The following CCSER1 variants were observed in gnomAD, a reference collection of about 807,000 sequenced individuals.
CCSER1 encodes serine-rich coiled-coil domain-containing protein 1.
CCSER1 carries 41 observed loss-of-function variants against 82.0 expected under a neutral mutation model. The ratio of observed to expected loss-of-function variants is 0.50; its 90% CI spans 0.39 to 0.65. The LOEUF (loss-of-function observed/expected upper bound fraction) is 0.65, where lower values mean the gene tolerates loss of function less well. CCSER1 is among the 30% of genes least tolerant of loss of function. The pLI is 0.00. For synonymous variants in CCSER1, 414 were observed against 383.9 expected (o/e 1.08, Z -0.92); for missense variants, 1,119 against 1,064.2 (o/e 1.05, Z -0.72).
intron 10 of CCSER1, among the ~76,000 whole-genome samples, chr4:91,294,387 G>A (rs1326972384): frequency 6.6e-6 from 1 of 151,798 alleles, no homozygotes; most frequent in African/African-American, 2.4e-5. Context: ...TGATAGATCC[G>A]AAAAGTGAAA....
At chr4:91,547,348 G>T (rs1018625822) in intron 10 of CCSER1, among the ~76,000 whole-genome samples, 3 of 152,072 alleles carry the variant, frequency 2.0e-5, no homozygotes, top group African/African-American at 7.2e-5. Flanking sequence ...CTGTAGTTCT[G>T]TCAGGTTTTG....
intron 10 of CCSER1, among the ~76,000 whole-genome samples, chr4:91,411,491 C>CATACATATATATATATAT (rs1186692045): frequency 7.4e-5 from 4 of 53,812 alleles, no homozygotes; most frequent in Admixed American, 7.0e-4. Flanking sequence ...TGCATATATA[C>CATACATATATATATATAT]ATATATATAT....
chr4:90,942,132 T>C (rs1731667069), intron 9 of CCSER1, among the ~76,000 whole-genome samples: 1 of 152,050 alleles, frequency 6.6e-6, no homozygotes, highest in Non-Finnish European at 1.5e-5. Flanking sequence ...GTATTTTTTG[T>C]AGAGATGGGG....
At chr4:90,551,789 T>C (rs1422914420) in intron 5 of CCSER1, among the ~76,000 whole-genome samples, 1 of 150,660 alleles carries the variant, frequency 6.6e-6, no homozygotes, top group African/African-American at 2.4e-5. Context: ...AGGACAGTCT[T>C]TGTCTATCTT....
At chr4:91,290,432 T>C (rs1464304870) in intron 10 of CCSER1, among the ~76,000 whole-genome samples, 1 of 152,046 alleles carries the variant, frequency 6.6e-6, no homozygotes, top group Non-Finnish European at 1.5e-5. Flanking sequence ...ACCTCTACAG[T>C]AGCTGTCTTG....
intron 5 of CCSER1, among the ~76,000 whole-genome samples, chr4:90,499,930 A>G (rs772035073): frequency 2.6e-5 from 4 of 152,140 alleles, no homozygotes; most frequent in Non-Finnish European, 4.4e-5. Flanking sequence ...GGAGGGACCA[A>G]ATTAGTCATT....
chr4:91,123,761 A>G (rs1183353681), intron 10 of CCSER1, among the ~76,000 whole-genome samples: 1 of 151,764 alleles, frequency 6.6e-6, no homozygotes, highest in Non-Finnish European at 1.5e-5. Context: ...TCAGTATTTA[A>G]TTTTGTCACT....
chr4:91,176,982 GA>G (rs1358737054), intron 10 of CCSER1, among the ~76,000 whole-genome samples: 1 of 152,116 alleles, frequency 6.6e-6, no homozygotes, highest in Non-Finnish European at 1.5e-5. Flanking sequence ...TTATTATTTT[GA>G]GATACGTCCC....
intron 1 of CCSER1, among the ~76,000 whole-genome samples, chr4:90,307,421 C>A (rs997798164): frequency 4.8e-5 from 7 of 145,868 alleles, no homozygotes; most frequent in Admixed American, 1.4e-4. Context: ...TTGTTTATAA[C>A]CCTATGTTAT....
intron 10 of CCSER1, among the ~76,000 whole-genome samples, chr4:91,504,551 A>G (rs1029778155): frequency 6.6e-6 from 1 of 152,144 alleles, no homozygotes; most frequent in East Asian, 1.9e-4. Flanking sequence ...ATTTCATTAT[A>G]TCATCACATA....
chr4:90,540,925 A>G (rs1198589429), intron 5 of CCSER1, among the ~76,000 whole-genome samples: 1 of 152,156 alleles, frequency 6.6e-6, no homozygotes, highest in African/African-American at 2.4e-5. Context: ...AAATATTATG[A>G]TCATGCATGA....
chr4:91,513,921 G>A (rs115423298), intron 10 of CCSER1, among the ~76,000 whole-genome samples: 1,809 of 151,818 alleles, frequency 0.012, 35 homozygotes, highest in African/African-American at 0.042. Context: ...TGGTTTCATT[G>A]ATTCTTTTTA....
chr4:91,090,340 G>A (rs1034180694), intron 10 of CCSER1, among the ~76,000 whole-genome samples: 24 of 152,188 alleles, frequency 1.6e-4, no homozygotes, highest in African/African-American at 5.5e-4. Flanking sequence ...ATAACCTGCT[G>A]GGGGCAATCC....
At chr4:90,896,869 TGTTTAATGTG>T (rs1156303118) in intron 8 of CCSER1, among the ~76,000 whole-genome samples, 4 of 152,024 alleles carry the variant, frequency 2.6e-5, no homozygotes, top group Non-Finnish European at 5.9e-5. Context: ...ATGCAAAAAA[TGTTTAATGTG>T]GTTCAAAAAT....
intron 1 of CCSER1, among the ~76,000 whole-genome samples, chr4:90,142,306 A>C (rs1435969163): frequency 6.6e-6 from 1 of 152,230 alleles, no homozygotes; most frequent in East Asian, 1.9e-4. Context: ...GCCTAAGTCC[A>C]TGAAACCTTC....
rs1395196514 is a variant in CCSER1 at position 90,734,568 on chromosome 4, G to T, written c.2010+10577G>T. ...TCCTAGGTATTTATTTTTGTTTATAGCTATTGTAAATTGGATTACTTTCTT... is the reference window on the plus strand; with the variant it reads ...TCCTAGGTATTTATTTTTGTTTATATCTATTGTAAATTGGATTACTTTCTT... On this transcript the variant is annotated intron_variant, in intron 7 of 10. Coordinates refer to ENST00000509176, the MANE Select transcript of CCSER1 (RefSeq NM_001145065.2). Among the ~76,000 whole-genome samples, 5 of 152,036 alleles carry T rather than the reference G, an allele frequency of 3.3e-5. No homozygotes were observed. In the East Asian group the frequency reaches 9.6e-4, roughly 29 times the overall value.
chr4:91,079,087 G>A (rs1722372815), intron 9 of CCSER1, among the ~76,000 whole-genome samples: 1 of 152,102 alleles, frequency 6.6e-6, no homozygotes, highest in African/African-American at 2.4e-5. Context: ...ACGCCACAAA[G>A]ATACTCCTCG....
At chr4:90,202,502 C>T (rs1466149914) in intron 1 of CCSER1, among the ~76,000 whole-genome samples, 3 of 152,118 alleles carry the variant, frequency 2.0e-5, no homozygotes, top group Admixed American at 6.6e-5. Context: ...TGTGACCCGC[C>T]GTAAATAAAC....
intron 1 of CCSER1, among the ~76,000 whole-genome samples, chr4:90,298,102 C>G (rs567624986): frequency 5.3e-5 from 8 of 152,064 alleles, no homozygotes; most frequent in Admixed American, 1.3e-4. Flanking sequence ...GGTAGAATTC[C>G]ACTGTGAATC....
Sources: allele counts gnomAD v4.1 joint callset (sites outside exome capture counted in the v4.1 genomes callset), GRCh38; gene constraint gnomAD v4.1.1; transcripts MANE v1.5; gene names NCBI Gene and HGNC (gene_info 2026-07-23, HGNC 2026-07-21).